The following ADGRL3 variants were observed in gnomAD, a reference collection of about 807,000 sequenced individuals.
ADGRL3 encodes the protein adhesion G protein-coupled receptor L3.
A neutral mutation model predicts 153.5 loss-of-function variants in ADGRL3; 62 were observed. That is an observed-to-expected ratio of 0.40 (90% CI 0.33 to 0.50). The LOEUF (loss-of-function observed/expected upper bound fraction) is 0.50, where lower values mean the gene tolerates loss of function less well. ADGRL3 is among the 20% of genes least tolerant of loss of function. The pLI is 0.47. For synonymous variants in ADGRL3, 710 were observed against 672.5 expected (o/e 1.06, Z -0.86); for missense variants, 1,641 against 1,859.4 (o/e 0.88, Z 2.16).
chr4:61,768,633 G>A (rs544253840), intron 8 of ADGRL3, among the ~76,000 whole-genome samples: 4 of 152,114 alleles, frequency 2.6e-5, no homozygotes, highest in East Asian at 3.9e-4. Context: ...GGGGTCAAGC[G>A]GCATTGCAGA....
chr4:62,049,137 T>A (rs1395625263), intron 25 of ADGRL3, among the ~76,000 whole-genome samples: 1 of 152,136 alleles, frequency 6.6e-6, no homozygotes, highest in Non-Finnish European at 1.5e-5. Flanking sequence ...AGAATGAGGT[T>A]AGAGACTTCC....
At chr4:61,750,072 T>C (rs546705004) in intron 8 of ADGRL3, among the ~76,000 whole-genome samples, 23 of 151,628 alleles carry the variant, frequency 1.5e-4, no homozygotes, top group Non-Finnish European at 3.2e-4. Context: ...CGTGCCACTA[T>C]TCTATGTTCT....
rs1730470913 is a variant in ADGRL3, at chr4:62,045,191, T to C, written c.3814+642T>C. ...TTTGTGGTTGACTTTTTTTCCTTGA[T>C]CTTTGCATTCTCTCTCTCTCCCTTT... On this transcript the variant is annotated intron_variant, in intron 25 of 26. Transcript: ENST00000683033. Among the ~76,000 whole-genome samples the C allele has an allele frequency of 2.6e-5, 4 of 151,500 alleles. No individual in the cohort carries two copies. In the South Asian group the frequency reaches 8.3e-4, roughly 31 times the overall value.
chr4:61,723,741 A>G (rs912900885), intron 6 of ADGRL3, among the ~76,000 whole-genome samples: 3 of 152,150 alleles, frequency 2.0e-5, no homozygotes, highest in African/African-American at 2.4e-5. Context: ...TCAGGTTTCT[A>G]TTTCCCAGCA....
At chr4:61,260,937 G>T (rs2092459585) in intron 1 of ADGRL3, among the ~76,000 whole-genome samples, 1 of 151,998 alleles carries the variant, frequency 6.6e-6, no homozygotes, top group African/African-American at 2.4e-5. Flanking sequence ...TATTGCCCAG[G>T]CTGGGCTCGA....
intron 1 of ADGRL3, among the ~76,000 whole-genome samples, chr4:61,251,372 A>G (rs1352737762): frequency 6.6e-6 from 1 of 152,156 alleles, no homozygotes; most frequent in Non-Finnish European, 1.5e-5. Flanking sequence ...TGGAAAGGGA[A>G]CGCTCGGAGA....
At position 61,998,097 on chromosome 4, in the gene ADGRL3, CAT is replaced by C. The variant is rs1239188699; in HGVS notation, c.3304-76_3304-75del. The C allele has an allele frequency of 9.9e-6, 6 of 603,652 alleles. No homozygotes were observed. The South Asian group carries it at 1.0e-4, about 11-fold the overall frequency. The allele number at this position is 603,652 out of a possible 1,614,324, so 37.4% of individuals were successfully genotyped here. A position where few individuals can be genotyped will look rare whatever the true frequency, so the allele number is the denominator to read the frequency against. On this transcript the variant is annotated intron_variant, in intron 20 of 26. Transcript: ENST00000683033. ...TGAGACCTAATTTCCCAGAACAACTCATGTGTTATAGAGAATAAATTTGCTTT... is the reference window on the plus strand; with the variant it reads ...TGAGACCTAATTTCCCAGAACAACTCGTGTTATAGAGAATAAATTTGCTTT...
chr4:61,883,032 C>T (rs756689511), intron 9 of ADGRL3, among the ~76,000 whole-genome samples: 2 of 152,126 alleles, frequency 1.3e-5, no homozygotes, highest in Non-Finnish European at 2.9e-5. Flanking sequence ...AGGAGAATTG[C>T]TTGAACCCAG....
chr4:61,300,874 T>C (rs904153463), intron 1 of ADGRL3, among the ~76,000 whole-genome samples: 1 of 151,672 alleles, frequency 6.6e-6, no homozygotes, highest in Non-Finnish European at 1.5e-5. Context: ...CAAGCAATTG[T>C]CTGCCACAGC....
At chr4:61,755,188 C>G (rs954036383) in intron 8 of ADGRL3, among the ~76,000 whole-genome samples, 1 of 152,110 alleles carries the variant, frequency 6.6e-6, no homozygotes, top group East Asian at 1.9e-4. Context: ...CCTGAGGAAT[C>G]GCCACACTGA....
chr4:61,657,798 A>G (rs1324395435), intron 5 of ADGRL3, among the ~76,000 whole-genome samples: 2 of 152,208 alleles, frequency 1.3e-5, no homozygotes, highest in Non-Finnish European at 2.9e-5. Flanking sequence ...CTGTTAGAAA[A>G]CCAAATGAAT....
intron 8 of ADGRL3, among the ~76,000 whole-genome samples, chr4:61,791,458 C>G (rs2097340816): frequency 6.6e-6 from 1 of 152,182 alleles, no homozygotes; most frequent in Admixed American, 6.5e-5. Flanking sequence ...TTGGGCAGCT[C>G]TACCCCTGTG....
At chr4:61,433,202 T>A (rs1159999921) in intron 2 of ADGRL3, among the ~76,000 whole-genome samples, 2 of 152,172 alleles carry the variant, frequency 1.3e-5, no homozygotes, top group African/African-American at 4.8e-5. Flanking sequence ...AGATTGCTTG[T>A]CACTTAGAAT....
chr4:61,653,773 C>G (rs377129554), intron 5 of ADGRL3, among the ~76,000 whole-genome samples: 1 of 152,162 alleles, frequency 6.6e-6, no homozygotes, highest in East Asian at 1.9e-4. Flanking sequence ...ATATCATTCA[C>G]CTCTCTTGGA....
chr4:61,936,155 C>T (rs2098837426), intron 15 of ADGRL3, 110 bp downstream of exon 15: 9 of 1,151,064 alleles, frequency 7.8e-6, no homozygotes, highest in Non-Finnish European at 1.1e-5. Flanking sequence ...CCCTCTTCCT[C>T]TTCCTACACT....
chr4:61,896,607 A>G (rs2098632957), intron 11 of ADGRL3, among the ~76,000 whole-genome samples: 1 of 152,176 alleles, frequency 6.6e-6, no homozygotes, highest in Non-Finnish European at 1.5e-5. Flanking sequence ...CTTATCCTCA[A>G]TAATATACTG....
chr4:61,870,274 G>A (rs1034361652), intron 9 of ADGRL3, among the ~76,000 whole-genome samples: 1 of 152,052 alleles, frequency 6.6e-6, no homozygotes, highest in Admixed American at 6.5e-5. Context: ...AGTGAATGGG[G>A]TTGGACCTAT....
chr4:62,062,494 A>G (rs1442059741), intron 25 of ADGRL3, among the ~76,000 whole-genome samples: 1 of 152,050 alleles, frequency 6.6e-6, no homozygotes, highest in Non-Finnish European at 1.5e-5. Context: ...TTCTCATGCA[A>G]TTTGTATTTT....
intron 5 of ADGRL3, among the ~76,000 whole-genome samples, chr4:61,629,429 G>A (rs1008021884): frequency 2.0e-5 from 3 of 151,534 alleles, no homozygotes; most frequent in Admixed American, 2.0e-4. Flanking sequence ...TTAAAAAAAA[G>A]TCCAAGTGGC....
Sources: gnomAD v4.1 joint callset for allele counts (sites outside exome capture counted in the v4.1 genomes callset) on GRCh38, gnomAD v4.1.1 for gene constraint, MANE v1.5 for transcripts, NCBI Gene and HGNC (gene_info 2026-07-23, HGNC 2026-07-21) for gene names.